The following OSTF1 variants were observed in gnomAD, a reference collection of about 807,000 sequenced individuals.
OSTF1 encodes the protein osteoclast stimulating factor 1.
In OSTF1, 27 loss-of-function variants were observed where a neutral mutation model predicts 37.2. The ratio of observed to expected loss-of-function variants is 0.73; its 90% CI spans 0.54 to 1.00. OSTF1 has a LOEUF of 1.00. OSTF1 is among the 50% of genes least tolerant of loss of function. The pLI is 0.00. For synonymous variants in OSTF1, 82 were observed against 89.2 expected (o/e 0.92, Z 0.46); for missense variants, 232 against 253.8 (o/e 0.91, Z 0.58).
intron 7 of OSTF1, 79 bp from the exon 8 acceptor site, chr9:75,137,459 T>G: frequency 1.1e-6 from 1 of 920,392 alleles, no homozygotes; most frequent in Non-Finnish European, 1.8e-6. Flanking sequence ...TAGGTTTAAC[T>G]GGGTTAAACC....
intron 1 of OSTF1, among the ~76,000 whole-genome samples, chr9:75,092,929 T>C (rs1162700742): frequency 6.6e-6 from 1 of 152,174 alleles, no homozygotes; most frequent in Non-Finnish European, 1.5e-5. Flanking sequence ...GGTCTGTCAT[T>C]GAAACTTTCT....
intron 1 of OSTF1, among the ~76,000 whole-genome samples, chr9:75,108,080 C>G (rs1275380444): frequency 2.0e-5 from 3 of 151,880 alleles, no homozygotes; most frequent in Non-Finnish European, 2.9e-5. Flanking sequence ...AAAAAATGAG[C>G]TGGGTGTGGT....
chr9:75,123,970 G>A (rs56691134), intron 2 of OSTF1, among the ~76,000 whole-genome samples: 9,366 of 152,226 alleles, frequency 0.062, 401 homozygotes, highest in African/African-American at 0.11. Context: ...GAGAGGTGTC[G>A]AAGCGACTGG....
intron 1 of OSTF1, among the ~76,000 whole-genome samples, chr9:75,101,962 A>T (rs1330422304): frequency 2.0e-5 from 3 of 152,152 alleles, no homozygotes; most frequent in African/African-American, 4.8e-5. Context: ...CATTTAAAAA[A>T]ATTTTTAAAT....
In OSTF1 at chr9:75,128,481, TATATATATATATATTTTGTCC is replaced by T. The variant is rs1825704557; in HGVS notation, c.132+877_132+897del. Among the ~76,000 whole-genome samples the T allele has an allele frequency of 4.3e-5, 2 of 46,312 alleles. 1 individual carries two copies. The highest frequency in any genetic ancestry group is 2.0e-4 in the African/African-American group (2 of 10,248). 30.4% of individuals were successfully genotyped at this position (46,312 alleles called of 152,430 possible). Reference sequence around the variant, plus strand: ...CATATATATATATATTTTGTCCATATATATATATATATATTTTGTCCATATATATATATATATATTTTGTCC... The same window carrying T: ...CATATATATATATATTTTGTCCATATATATATATATATATATATTTTGTCC... On this transcript the variant is annotated intron_variant, in intron 3 of 9. Coordinates refer to ENST00000346234, the MANE Select transcript of OSTF1 (RefSeq NM_012383.5).
chr9:75,146,770 C>T lies in OSTF1; in HGVS notation c.*29C>T. On this transcript the variant is annotated 3_prime_UTR_variant, in exon 10 of 10. Transcript: ENST00000346234. ...CTTTCTGGAGCTTTGAGATCTAAAA[C>T]TTCTGTTGCTTTTGCCATTCCAAAA... 1 of 1,526,280 alleles carries T rather than the reference C, an allele frequency of 6.6e-7. No individual in the cohort carries two copies. The highest frequency in any genetic ancestry group is 9.0e-7 in the Non-Finnish European group (1 of 1,111,516). 94.5% of individuals were successfully genotyped at this position (1,526,280 alleles called of 1,614,324 possible). A position where few individuals can be genotyped will look rare whatever the true frequency, so the allele number is the denominator to read the frequency against.
chr9:75,122,271 G>C (rs58339332), intron 2 of OSTF1, among the ~76,000 whole-genome samples: 1 of 152,240 alleles, frequency 6.6e-6, no homozygotes, highest in South Asian at 2.1e-4. Flanking sequence ...ATAGAGCCAC[G>C]TGTAGAGGAA....
intron 1 of OSTF1, among the ~76,000 whole-genome samples, chr9:75,109,454 T>C (rs1191429336): frequency 1.3e-5 from 2 of 152,256 alleles, no homozygotes; most frequent in East Asian, 3.8e-4. Flanking sequence ...TAAATATCCA[T>C]CTACCTGTCC....
chr9:75,126,753 C>A (rs1314585030), intron 2 of OSTF1, among the ~76,000 whole-genome samples: 1 of 152,104 alleles, frequency 6.6e-6, no homozygotes, highest in Non-Finnish European at 1.5e-5. Flanking sequence ...CCACCATGCC[C>A]AGCTAATTTT....
chr9:75,088,912 A>G (rs894326227), intron 1 of OSTF1, among the ~76,000 whole-genome samples, 186 bp downstream of exon 1: 2 of 152,076 alleles, frequency 1.3e-5, no homozygotes, highest in African/African-American at 4.8e-5. Context: ...CGATTTTGAT[A>G]GCAAGAGGAT....
Position 75,112,337 on chromosome 9 carries a change from G to C in OSTF1, c.35-5167G>C, listed in dbSNP as rs988861317. ...GGGTTGTTAAACAGTAATCATAAAA[G>C]TCATCTGTGTTTCTTCTTTATGCAT... On this transcript the variant is annotated intron_variant, in intron 1 of 9. Coordinates refer to ENST00000346234, the MANE Select transcript of OSTF1 (RefSeq NM_012383.5). Among the ~76,000 whole-genome samples the C allele has an allele frequency of 2.6e-5, 4 of 152,106 alleles. No homozygotes were observed. The East Asian group carries it at 7.7e-4, about 29-fold the overall frequency.
At chr9:75,130,388 T>C (rs554927891) in intron 3 of OSTF1, among the ~76,000 whole-genome samples, 190 bp from the exon 4 acceptor site, 8 of 152,288 alleles carry the variant, frequency 5.3e-5, no homozygotes, top group Non-Finnish European at 8.8e-5. Context: ...TGCAGGCAGA[T>C]GCGTGTTTAT....
chr9:75,139,258 TC>T (rs373281889), intron 8 of OSTF1, among the ~76,000 whole-genome samples: 62 of 151,098 alleles, frequency 4.1e-4, no homozygotes, highest in African/African-American at 1.4e-3. Flanking sequence ...GGTCTTAAAC[TC>T]CTGAACACAA....
intron 1 of OSTF1, among the ~76,000 whole-genome samples, chr9:75,090,312 TG>T (rs1457135563): frequency 6.6e-6 from 1 of 151,844 alleles, no homozygotes; most frequent in South Asian, 2.1e-4. Flanking sequence ...TGTGTGTGTG[TG>T]TGTGTGTGTG....
intron 1 of OSTF1, among the ~76,000 whole-genome samples, chr9:75,093,672 A>G (rs918041900): frequency 6.6e-6 from 1 of 152,216 alleles, no homozygotes; most frequent in Non-Finnish European, 1.5e-5. Flanking sequence ...CATCACACGC[A>G]TGCTGCTTAA....
intron 1 of OSTF1, among the ~76,000 whole-genome samples, chr9:75,094,936 C>G (rs1825046050): frequency 6.6e-6 from 1 of 152,186 alleles, no homozygotes; most frequent in Admixed American, 6.5e-5. Context: ...GTCCCTGCTA[C>G]TTAGGAGACT....
At chr9:75,100,034 A>G (rs1825162283) in intron 1 of OSTF1, among the ~76,000 whole-genome samples, 1 of 152,240 alleles carries the variant, frequency 6.6e-6, no homozygotes, top group Non-Finnish European at 1.5e-5. Flanking sequence ...ACCAAAGGTA[A>G]AGAACTACAA....
intron 1 of OSTF1, among the ~76,000 whole-genome samples, chr9:75,101,278 A>G (rs1258068394): frequency 2.0e-5 from 3 of 152,240 alleles, no homozygotes; most frequent in African/African-American, 4.8e-5. Flanking sequence ...CCAGGTCACC[A>G]GGCAAGCCAC....
intron 1 of OSTF1, among the ~76,000 whole-genome samples, chr9:75,105,237 C>T (rs59050594): frequency 0.29 from 44,402 of 151,950 alleles, 6,906 homozygotes; most frequent in African/African-American, 0.4. Context: ...CATGCTGTGG[C>T]CCAGTGCTCT....
Sources: allele counts gnomAD v4.1 joint callset (sites outside exome capture counted in the v4.1 genomes callset), GRCh38; gene constraint gnomAD v4.1.1; transcripts MANE v1.5; gene names NCBI Gene and HGNC (gene_info 2026-07-23, HGNC 2026-07-21).